Variants in SINHCAF observed in about 807,000 individuals in gnomAD.
The protein encoded by SINHCAF is SIN3-HDAC complex-associated factor.
In SINHCAF, 3 loss-of-function variants were observed where a neutral mutation model predicts 25.8. The ratio of observed to expected loss-of-function variants is 0.12; its 90% CI spans 0.05 to 0.30. The LOEUF is 0.30. SINHCAF is among the 10% of genes least tolerant of loss of function. The pLI, the probability that SINHCAF is intolerant of heterozygous loss-of-function variation, is 1.00. For synonymous variants in SINHCAF, 70 were observed against 85.5 expected (o/e 0.82, Z 1.00); for missense variants, 121 against 262.3 (o/e 0.46, Z 3.72).
rs1939930621 is a variant in SINHCAF, at chr12:31,325,416, T to G, written c.-21+608A>C. 1.1e-5 allele frequency: 4 copies of G among 355,196 alleles called. No homozygotes were observed. The highest frequency in any genetic ancestry group is 8.3e-5 in the South Asian group (4 of 48,172). The allele number at this position is 355,196 out of a possible 1,614,324, so 22.0% of individuals were successfully genotyped here. On this transcript the variant is annotated intron_variant, in intron 1 of 5. Transcript: ENST00000337682. This position sits in a 1 kb window ranked among gnomAD's most constrained non-coding sequence, Gnocchi z 5.9. ...CGTGCGCTCCGGCAGAGCCCAGCAC[T>G]GACCCCCAAAGGCCGATTTAAAGAC...
chr12:31,319,273 A>C lies in SINHCAF; in HGVS notation c.-21+6751T>G, dbSNP rs562754284. On this transcript the variant is annotated intron_variant, in intron 1 of 5. Transcript: ENST00000337682. ...GCCGGGCACAGTGGCTCACGCCTGT[A>C]ATCCCAGCACTATGGGAGGCAGAGG... 1.6e-4 allele frequency among the ~76,000 whole-genome samples: 24 copies of C among 152,364 alleles called. 1 individual carries two copies. Among genetic ancestry groups the C allele is most frequent in the African/African-American group, 5.8e-4 (24 of 41,594 alleles).
intron 1 of SINHCAF, among the ~76,000 whole-genome samples, chr12:31,302,274 GC>G (rs1245769359): frequency 6.6e-6 from 1 of 151,916 alleles, no homozygotes. Context: ...TGGTATGGTT[GC>G]AAAATTCTGA....
chr12:31,324,204 G>A lies in SINHCAF; in HGVS notation c.-21+1820C>T. The A allele has an allele frequency of 4.8e-6, 1 of 206,750 alleles. No individual in the cohort carries two copies. The highest frequency in any genetic ancestry group is 9.4e-6 in the Non-Finnish European group (1 of 106,558). 12.8% of individuals were successfully genotyped at this position (206,750 alleles called of 1,614,324 possible). On this transcript the variant is annotated intron_variant, in intron 1 of 5. Coordinates refer to ENST00000337682, the MANE Select transcript of SINHCAF (RefSeq NM_001135812.2). This position sits in a 1 kb window ranked among gnomAD's most constrained non-coding sequence, Gnocchi z 5.5. ...CGGCCCGGCGCCTCCCGCAGGCCGC[G>A]CCTCCCGCACGCCGCGCTGCCGGGG...
At chr12:31,318,937 T>A (rs912925108) in intron 1 of SINHCAF, among the ~76,000 whole-genome samples, 3 of 152,182 alleles carry the variant, frequency 2.0e-5, no homozygotes, top group Non-Finnish European at 4.4e-5. Context: ...GAGTTGCACA[T>A]TACAGAAAAA....
rs1555110957 is a variant in SINHCAF, at chr12:31,285,418, T to TATACACACACACACACAC, written c.506+2215_506+2216insGTGTGTGTGTGTGTGTAT. On this transcript the variant is annotated intron_variant, in intron 5 of 5. Coordinates refer to ENST00000337682, the MANE Select transcript of SINHCAF (RefSeq NM_001135812.2). ...ATAGACATATATTTATATATATACA[T>TATACACACACACACACAC]ACACACACACACACACACACACACA... 6.8e-4 allele frequency among the ~76,000 whole-genome samples: 96 copies of TATACACACACACACACAC among 141,438 alleles called. 3 individuals are homozygous for TATACACACACACACACAC. The East Asian group carries it at 0.015, about 22-fold the overall frequency. 92.8% of individuals were successfully genotyped at this position (141,438 alleles called of 152,430 possible).
chr12:31,322,489 T>G (rs1219337490), intron 1 of SINHCAF, among the ~76,000 whole-genome samples: 1 of 152,226 alleles, frequency 6.6e-6, no homozygotes, highest in Non-Finnish European at 1.5e-5. Context: ...TACAGAAATG[T>G]ACTAATATAG....
Position 31,281,982 on chromosome 12 carries a change from A to C in SINHCAF, c.*730T>G, listed in dbSNP as rs1230558005. ...ATCAGAAGCTTGGCAAGACCTTAAT[A>C]TTTCAAAATTATTAACAACTACCTC... On this transcript the variant is annotated 3_prime_UTR_variant, in exon 6 of 6. Coordinates refer to ENST00000337682, the MANE Select transcript of SINHCAF (RefSeq NM_001135812.2). 1 of 152,502 alleles carries C rather than the reference A, an allele frequency of 6.6e-6. No homozygotes were observed. Among genetic ancestry groups the C allele is most frequent in the Non-Finnish European group, 1.5e-5 (1 of 68,028 alleles). 9.4% of individuals were successfully genotyped at this position (152,502 alleles called of 1,614,324 possible).
Position 31,308,764 on chromosome 12 carries a change from G to A in SINHCAF, c.-20-10540C>T, listed in dbSNP as rs533224079. 3.9e-5 allele frequency among the ~76,000 whole-genome samples: 6 copies of A among 152,156 alleles called. No individual in the cohort carries two copies. In the East Asian group the frequency reaches 9.6e-4, roughly 24 times the overall value. On this transcript the variant is annotated intron_variant, in intron 1 of 5. Transcript: ENST00000337682. ...ATACCGTCATTCTCTCCAGGAAAAG[G>A]CAAACAAATACTGACTACCTAGATG...
chr12:31,291,155 T>C (rs1938295548), intron 4 of SINHCAF, among the ~76,000 whole-genome samples: 1 of 152,212 alleles, frequency 6.6e-6, no homozygotes, highest in South Asian at 2.1e-4. Context: ...CTCCAGGAAC[T>C]GACTCAGCTC....
At chr12:31,322,634 T>G (rs1212558708) in intron 1 of SINHCAF, among the ~76,000 whole-genome samples, 1 of 152,234 alleles carries the variant, frequency 6.6e-6, no homozygotes, top group Non-Finnish European at 1.5e-5. Flanking sequence ...TATTGTAATT[T>G]GGTCAACCAA....
chr12:31,314,880 C>A (rs1939437460), intron 1 of SINHCAF, among the ~76,000 whole-genome samples: 1 of 152,142 alleles, frequency 6.6e-6, no homozygotes. Context: ...AATGAGGCAC[C>A]CCAAGTACTG....
intron 5 of SINHCAF, among the ~76,000 whole-genome samples, chr12:31,283,344 T>C (rs1937885393): frequency 6.6e-6 from 1 of 152,158 alleles, no homozygotes; most frequent in African/African-American, 2.4e-5. Flanking sequence ...GGCTTACACC[T>C]GTAATCCCAG....
intron 1 of SINHCAF, among the ~76,000 whole-genome samples, chr12:31,311,377 C>A (rs1368428920): frequency 6.6e-6 from 1 of 152,198 alleles, no homozygotes; most frequent in Admixed American, 6.5e-5. Flanking sequence ...GTCAGAATGA[C>A]CTGGGTCATA....
At chr12:31,292,570 G>A (rs1938371716) in intron 4 of SINHCAF, among the ~76,000 whole-genome samples, 1 of 151,956 alleles carries the variant, frequency 6.6e-6, no homozygotes, top group South Asian at 2.1e-4. Context: ...AGGGAGATGG[G>A]GGGTTGAGAG....
At chr12:31,310,151 T>C (rs1185675383) in intron 1 of SINHCAF, among the ~76,000 whole-genome samples, 2 of 152,094 alleles carry the variant, frequency 1.3e-5, no homozygotes, top group Admixed American at 6.5e-5. Flanking sequence ...TGGCTAAGGG[T>C]ATCACATTCA....
intron 1 of SINHCAF, among the ~76,000 whole-genome samples, chr12:31,313,752 G>A (rs1939376364): frequency 1.3e-5 from 2 of 152,068 alleles, no homozygotes; most frequent in African/African-American, 2.4e-5. Flanking sequence ...GGGTTCAAGC[G>A]ATTCTCCTGC....
intron 1 of SINHCAF, among the ~76,000 whole-genome samples, chr12:31,313,638 T>G (rs775914051): frequency 2.0e-5 from 3 of 151,782 alleles, no homozygotes; most frequent in Non-Finnish European, 2.9e-5. Context: ...TAATTAAATG[T>G]TTTTTTGTTT....
intron 5 of SINHCAF, 91 bp downstream of exon 5, chr12:31,287,543 G>T (rs1938130564): frequency 9.9e-7 from 1 of 1,011,792 alleles, no homozygotes; most frequent in Non-Finnish European, 1.4e-6. Context: ...CCAACTGTTT[G>T]CCAAATGCCA....
intron 4 of SINHCAF, among the ~76,000 whole-genome samples, chr12:31,293,316 T>C (rs1938410753): frequency 6.6e-6 from 1 of 152,180 alleles, no homozygotes; most frequent in Admixed American, 6.5e-5. Context: ...GACATTCCTT[T>C]CTCATTCTAT....
Sources: allele counts gnomAD v4.1 joint callset (sites outside exome capture counted in the v4.1 genomes callset), GRCh38; gene constraint gnomAD v4.1.1; non-coding constraint Gnocchi (gnomAD v3.1); transcripts MANE v1.5; gene names NCBI Gene and HGNC (gene_info 2026-07-23, HGNC 2026-07-21).